Variants in P2RY13 observed in about 807,000 individuals in gnomAD.
The protein encoded by P2RY13 is purinergic receptor P2Y13.
For synonymous variants in P2RY13, 150 were observed against 155.1 expected, an observed-to-expected ratio of 0.97 and a Z score of 0.24; for missense variants, 412 against 418.4, an observed-to-expected ratio of 0.98 and a Z score of 0.13.
rs1055009153 is a variant in P2RY13, at chr3:151,328,789, G to A, written c.267C>T (p.Asp89=). The part of the protein sequence containing the change: ...IIYLKNTLVA[D]LIMTLMLPFK... ...AAGGAAGCATGAGTGTCATTATCAA[G>A]TCGGCCACCAAAGTGTTTTTGAGGT... Residue 89 remains aspartate (D), a synonymous_variant, in exon 2 of 2, where the codon GAC becomes GAT. Coordinates refer to ENST00000325602, the MANE Select transcript of P2RY13 (RefSeq NM_176894.3). The A allele has an allele frequency of 2.5e-6, 4 of 1,613,978 alleles. No homozygotes were observed. The Admixed American group carries it at 5.0e-5, about 20-fold the overall frequency.
In P2RY13 at chr3:151,327,865, C is replaced by T. The variant is rs1161595536; in HGVS notation, c.*126G>A. The T allele has an allele frequency of 1.5e-6, 1 of 680,754 alleles. No homozygotes were observed. The highest frequency in any genetic ancestry group is 2.4e-6 in the Non-Finnish European group (1 of 415,278). 42.2% of individuals were successfully genotyped at this position (680,754 alleles called of 1,614,324 possible). On this transcript the variant is annotated 3_prime_UTR_variant, in exon 2 of 2. Coordinates refer to ENST00000325602, the MANE Select transcript of P2RY13 (RefSeq NM_176894.3). ...GGATTTAAATTTTATATAATCTTTTCTGTACACGAGGATAATAAAATGTAA... is the reference window on the plus strand; with the variant it reads ...GGATTTAAATTTTATATAATCTTTTTTGTACACGAGGATAATAAAATGTAA...
rs144128158 is a variant in P2RY13, at chr3:151,328,718, G to A, written c.338C>T (p.Ala113Val). The change falls in exon 2 of 2, where the codon GCT becomes GTT. Residue 113 changes from alanine (A) to valine (V), a missense_variant. Coordinates refer to ENST00000325602, the MANE Select transcript of P2RY13 (RefSeq NM_176894.3). ...DSHLAPWQLR[A>V]FVCRFSSVIF... Reference sequence around the variant, plus strand: ...CACCGAAGAAAAACGACACACAAAAGCTCTGAGCTGCCAGGGTGCCAGGTG... The same window carrying A: ...CACCGAAGAAAAACGACACACAAAAACTCTGAGCTGCCAGGGTGCCAGGTG... 5 of 1,614,002 alleles carry A rather than the reference G, an allele frequency of 3.1e-6. No individual in the cohort carries two copies. Among genetic ancestry groups the A allele is most frequent in the African/African-American group, 1.3e-5 (1 of 75,014 alleles).
In P2RY13 at chr3:151,326,327, A is replaced by C. The variant is rs929929960; in HGVS notation, c.*1664T>G. 1.3e-5 allele frequency: 2 copies of C among 152,622 alleles called. No individual in the cohort carries two copies. The highest frequency in any genetic ancestry group is 2.4e-5 in the African/African-American group (1 of 41,444). The allele number at this position is 152,622 out of a possible 1,614,324, so 9.5% of individuals were successfully genotyped here. ...CCAAATGGGCTTTATTTTATCAAAC[A>C]TTTATTGATTGCACAATGAAACAAT... On this transcript the variant is annotated 3_prime_UTR_variant, in exon 2 of 2. Transcript: ENST00000325602.
chr3:151,326,423 A>G lies in P2RY13; in HGVS notation c.*1568T>C, dbSNP rs550833033. ...AAGGTCAGGAAGTAATTACAATGCA[A>G]TGTGATAAGTTTAATAATATAGGTG... On this transcript the variant is annotated 3_prime_UTR_variant, in exon 2 of 2. Transcript: ENST00000325602. 2.6e-5 allele frequency: 4 copies of G among 152,718 alleles called. No individual in the cohort carries two copies. The highest frequency in any genetic ancestry group is 1.9e-4 in the East Asian group (1 of 5,184). The allele number at this position is 152,718 out of a possible 1,614,324, so 9.5% of individuals were successfully genotyped here.
In P2RY13 at chr3:151,327,898, T is replaced by C. The variant is rs1749840320; in HGVS notation, c.*93A>G. The stretch of plus-strand genomic sequence containing the variant: ...GAGGATAATAAAATGTAAGAGAGCA[T>C]TTGTTCCAATCTTTTTTTCTTGGTT... On this transcript the variant is annotated 3_prime_UTR_variant, in exon 2 of 2. Coordinates refer to ENST00000325602, the MANE Select transcript of P2RY13 (RefSeq NM_176894.3). The C allele has an allele frequency of 1.1e-6, 1 of 910,426 alleles. No individual in the cohort carries two copies. The highest frequency in any genetic ancestry group is 1.7e-6 in the Non-Finnish European group (1 of 603,286). The allele number at this position is 910,426 out of a possible 1,614,324, so 56.4% of individuals were successfully genotyped here.
Position 151,327,601 on chromosome 3 carries a change from A to T in P2RY13, c.*390T>A. ...TTTCTTTCAGCACATATCTACATTTAAGGGGCACAAAAGCAGTAGTGTTAT... is the reference window on the plus strand; with the variant it reads ...TTTCTTTCAGCACATATCTACATTTTAGGGGCACAAAAGCAGTAGTGTTAT... On this transcript the variant is annotated 3_prime_UTR_variant, in exon 2 of 2. Coordinates refer to ENST00000325602, the MANE Select transcript of P2RY13 (RefSeq NM_176894.3). 1 of 153,730 alleles carries T rather than the reference A, an allele frequency of 6.5e-6. No homozygotes were observed. The highest frequency in any genetic ancestry group is 2.4e-5 in the African/African-American group (1 of 41,426). 9.5% of individuals were successfully genotyped at this position (153,730 alleles called of 1,614,324 possible).
rs1233849357 is a variant in P2RY13, at chr3:151,328,920, C to A, written c.136G>T (p.Val46Leu). The A allele has an allele frequency of 3.7e-6, 6 of 1,613,878 alleles. No individual in the cohort carries two copies. Among genetic ancestry groups the A allele is most frequent in the Middle Eastern group, 1.7e-4 (1 of 6,060 alleles). ...ACCACTGTGTAGAGGGCTGGGAATA[C>A]CAGCTGTACTATCCGAGTGTCTCTG... is the stretch of plus-strand genomic sequence containing the variant. ...CPRDTRIVQL[V>L]FPALYTVVFL... Residue 46 changes from valine (V) to leucine (L), a missense_variant, in exon 2 of 2, where the codon GTA becomes TTA. By Grantham distance (32) the Val-to-Leu change is conservative. Coordinates refer to ENST00000325602, the MANE Select transcript of P2RY13 (RefSeq NM_176894.3).
Sources: allele counts gnomAD v4.1 joint callset, GRCh38; gene constraint gnomAD v4.1.1; transcripts MANE v1.5; gene names NCBI Gene and HGNC (gene_info 2026-07-23, HGNC 2026-07-21).